Variants in HMGA2 observed in about 807,000 individuals in gnomAD.
HMGA2 encodes the protein high mobility group protein HMGI-C.
A neutral mutation model predicts 19.1 loss-of-function variants in HMGA2; 8 were observed. The observed-to-expected ratio is 0.42, with a 90% confidence interval of 0.25 to 0.76. The LOEUF is 0.76. HMGA2 is among the 30% of genes least tolerant of loss of function. The pLI is 0.28. For synonymous variants in HMGA2, 60 were observed against 48.8 expected (o/e 1.23, Z -0.96); for missense variants, 109 against 136.3 (o/e 0.80, Z 1.00).
intron 3 of HMGA2, among the ~76,000 whole-genome samples, chr12:65,943,326 T>A (rs1307714441): frequency 6.6e-6 from 1 of 152,146 alleles, no homozygotes; most frequent in Non-Finnish European, 1.5e-5. Context: ...ATCTTTTCAC[T>A]CCATTCCAAA....
intron 3 of HMGA2, among the ~76,000 whole-genome samples, chr12:65,868,061 A>G (rs1872519514): frequency 6.6e-6 from 1 of 152,142 alleles, no homozygotes; most frequent in Non-Finnish European, 1.5e-5. Context: ...TTTCTCCAAC[A>G]TTGCTTACAA....
intron 3 of HMGA2, among the ~76,000 whole-genome samples, chr12:65,892,876 A>T (rs1873969632): frequency 6.6e-6 from 1 of 152,210 alleles, no homozygotes; most frequent in Non-Finnish European, 1.5e-5. Context: ...AAGCACAATT[A>T]TAAATGTGTA....
At chr12:65,952,644 T>C in intron 4 of HMGA2, 1 of 533,598 alleles carries the variant, frequency 1.9e-6, no homozygotes, top group Non-Finnish European at 2.9e-6. Context: ...TATATACATA[T>C]AAACAAAAAC....
rs1199429215 is a variant in HMGA2, at chr12:65,825,282, C to T, written c.12C>T (p.Arg4=). Residue 4 remains arginine, a synonymous_variant, in exon 1 of 5, where the codon CGC becomes CGT. Transcript: ENST00000403681. This position sits in a 1 kb window ranked among gnomAD's most constrained non-coding sequence, Gnocchi z 4.4. MSA[R]GEGAGQPSTS... ...CGGCGGGAGGCAGGATGAGCGCACG[C>T]GGTGAGGGCGCGGGGCAGCCGTCCA... 2.0e-6 allele frequency: 3 copies of T among 1,530,938 alleles called. No individual in the cohort carries two copies. The highest frequency in any genetic ancestry group is 2.5e-5 in the East Asian group (1 of 40,072). 94.8% of individuals were successfully genotyped at this position (1,530,938 alleles called of 1,614,324 possible). A position where few individuals can be genotyped will look rare whatever the true frequency, so the allele number is the denominator to read the frequency against.
chr12:65,846,014 CA>C (rs1356101107), intron 3 of HMGA2, among the ~76,000 whole-genome samples: 1 of 152,172 alleles, frequency 6.6e-6, no homozygotes, highest in Non-Finnish European at 1.5e-5. Context: ...GGGTCAGGAA[CA>C]GGGGGTCAGC....
intron 3 of HMGA2, among the ~76,000 whole-genome samples, chr12:65,928,922 A>C (rs1457756130): frequency 1.3e-5 from 2 of 152,208 alleles, no homozygotes; most frequent in Non-Finnish European, 2.9e-5. Context: ...CAAAGAGTAC[A>C]TATATATTTA....
At chr12:65,840,978 G>A (rs12310312) in intron 3 of HMGA2, among the ~76,000 whole-genome samples, 33,580 of 151,896 alleles carry the variant, frequency 0.22, 7,853 homozygotes, top group African/African-American at 0.59. Context: ...TGTCTTCTCC[G>A]AACCTTCCTA....
chr12:65,951,056 G>C (rs1009272721), intron 3 of HMGA2, among the ~76,000 whole-genome samples: 3 of 152,076 alleles, frequency 2.0e-5, no homozygotes, highest in Non-Finnish European at 4.4e-5. Flanking sequence ...AGGCCTCTGA[G>C]TAGCTGGGAC....
chr12:65,888,721 G>A (rs187387736), intron 3 of HMGA2, among the ~76,000 whole-genome samples: 20 of 150,786 alleles, frequency 1.3e-4, no homozygotes, highest in African/African-American at 3.9e-4. Flanking sequence ...CCGCCACCAC[G>A]CCCGGCTAAC....
Position 65,965,076 on chromosome 12 carries a change from C to T in HMGA2, c.*1784C>T, listed in dbSNP as rs1876869952. On this transcript the variant is annotated 3_prime_UTR_variant, in exon 5 of 5. Transcript: ENST00000403681. Reference sequence around the variant, plus strand: ...TAGTCAAAACTATTTTTGTAAAAGACATTTGATAGAAAGGAACACGTTTTT... The same window carrying T: ...TAGTCAAAACTATTTTTGTAAAAGATATTTGATAGAAAGGAACACGTTTTT... 5.2e-6 allele frequency: 1 copy of T among 190,528 alleles called. No individual in the cohort carries two copies. The highest frequency in any genetic ancestry group is 1.9e-4 in the South Asian group (1 of 5,132). The allele number at this position is 190,528 out of a possible 1,614,324, so 11.8% of individuals were successfully genotyped here.
intron 3 of HMGA2, among the ~76,000 whole-genome samples, chr12:65,910,812 TA>T (rs374623227): frequency 4.6e-4 from 70 of 152,088 alleles, no homozygotes; most frequent in African/African-American, 1.1e-3. Flanking sequence ...TTTTGACTTA[TA>T]AAAAAAAGGG....
At chr12:65,888,019 TAC>T (rs1248877449) in intron 3 of HMGA2, among the ~76,000 whole-genome samples, 1 of 152,056 alleles carries the variant, frequency 6.6e-6, no homozygotes, top group Non-Finnish European at 1.5e-5. Context: ...ATCTCTCTCA[TAC>T]ACACACACTC....
chr12:65,853,707 C>T (rs903917227), intron 3 of HMGA2, among the ~76,000 whole-genome samples: 11 of 152,178 alleles, frequency 7.2e-5, no homozygotes, highest in Non-Finnish European at 1.2e-4. Flanking sequence ...CCTGCATCCT[C>T]GCCGCACAGG....
chr12:65,912,360 T>G (rs1456227660), intron 3 of HMGA2, among the ~76,000 whole-genome samples: 4 of 152,148 alleles, frequency 2.6e-5, no homozygotes, highest in Non-Finnish European at 5.9e-5. Context: ...TATTTTAAAT[T>G]TAAATAAATG....
chr12:65,858,002 G>A (rs946391009), intron 3 of HMGA2: 3 of 152,906 alleles, frequency 2.0e-5, no homozygotes, highest in African/African-American at 7.2e-5. Context: ...CTATAATGGT[G>A]CTTTAGCAAT....
At chr12:65,937,347 C>T (rs1270948745) in intron 3 of HMGA2, among the ~76,000 whole-genome samples, 6 of 152,064 alleles carry the variant, frequency 3.9e-5, no homozygotes, top group Admixed American at 1.3e-4. Flanking sequence ...GCCGGAAGAG[C>T]GGCATTGAAC....
chr12:65,824,706 C>A lies in HMGA2; in HGVS notation c.-565C>A. ...CGACTGCCCAAGGCACTTTCAATCT[C>A]AATCTCTTCTCTCTCTCTCTCTCTC... On this transcript the variant is annotated 5_prime_UTR_variant, in exon 1 of 5. Coordinates refer to ENST00000403681, the MANE Select transcript of HMGA2 (RefSeq NM_003483.6). 4.6e-6 allele frequency: 1 copy of A among 215,054 alleles called. No homozygotes were observed. The highest frequency in any genetic ancestry group is 9.0e-6 in the Non-Finnish European group (1 of 111,278). 13.3% of individuals were successfully genotyped at this position (215,054 alleles called of 1,614,324 possible).
intron 2 of HMGA2, chr12:65,828,730 G>A (rs1488417783): frequency 1.3e-5 from 2 of 153,462 alleles, no homozygotes; most frequent in East Asian, 1.9e-4. Context: ...ACATAGAAAT[G>A]TCTGAATTGG....
At chr12:65,932,322 T>C (rs1244412833) in intron 3 of HMGA2, among the ~76,000 whole-genome samples, 3 of 152,352 alleles carry the variant, frequency 2.0e-5, no homozygotes, top group African/African-American at 7.2e-5. Flanking sequence ...AAACTACATT[T>C]ATGAATTCAC....
Sources: allele counts gnomAD v4.1 joint callset (sites outside exome capture counted in the v4.1 genomes callset), GRCh38; gene constraint gnomAD v4.1.1; non-coding constraint Gnocchi (gnomAD v3.1); transcripts MANE v1.5; gene names NCBI Gene and HGNC (gene_info 2026-07-23, HGNC 2026-07-21).